The following DST variants were observed in gnomAD, a reference collection of about 807,000 sequenced individuals.
DST encodes the protein bullous pemphigoid antigen.
A neutral mutation model predicts 875.2 loss-of-function variants in DST; 253 were observed. The ratio of observed to expected loss-of-function variants is 0.29; its 90% CI spans 0.26 to 0.32. The LOEUF is 0.32. Among genes scored for constraint, DST ranks in the 10% least tolerant of loss-of-function variants. DST has a pLI of 1.00. For missense variants in DST, 8,287 were observed against 9,111.6 expected, an observed-to-expected ratio of 0.91 and a Z score of 3.68; for synonymous variants, 3,124 against 3,197.1, an observed-to-expected ratio of 0.98 and a Z score of 0.77.
At chr6:56,482,604 A>T in intron 89 of DST, 79 bp downstream of exon 89, 1 of 1,468,298 alleles carries the variant, frequency 6.8e-7, no homozygotes, top group South Asian at 1.3e-5. Flanking sequence ...AGGGCCTCAC[A>T]ATTTTTTACT....
intron 3 of DST, among the ~76,000 whole-genome samples, chr6:56,891,215 C>T (rs377402926): frequency 6.6e-6 from 1 of 152,166 alleles, no homozygotes; most frequent in Admixed American, 6.5e-5. Context: ...ACTACCAACT[C>T]TGACAACGTC....
At chr6:56,768,390 C>A (rs905502504) in intron 4 of DST, among the ~76,000 whole-genome samples, 1 of 152,122 alleles carries the variant, frequency 6.6e-6, no homozygotes, top group Admixed American at 6.5e-5. Flanking sequence ...TAGACCCACA[C>A]AAATTTAGTA....
At chr6:56,954,217 A>T (rs1824018564) in intron 1 of DST, among the ~76,000 whole-genome samples, 190 bp downstream of exon 1, 1 of 152,088 alleles carries the variant, frequency 6.6e-6, no homozygotes, top group Non-Finnish European at 1.5e-5. Flanking sequence ...GGTTATTCAA[A>T]CCTGGGAGAC....
chr6:56,552,579 G>A lies in DST; in HGVS notation c.16213C>T (p.Leu5405=). The A allele has an allele frequency of 1.2e-6, 2 of 1,613,982 alleles. No individual in the cohort carries two copies. The highest frequency in any genetic ancestry group is 8.5e-7 in the Non-Finnish European group (1 of 1,179,884). The change falls in exon 61 of 104, where the codon CTG becomes TTG. Residue 5405 remains leucine, a synonymous_variant. Transcript: ENST00000680361. ...FSQFAEFDDE[L]DSMAPVGRDA... ...CTCCCCACTGGAGCCATGCTATCCA[G>A]TTCATCATCAAACTCTGCGAACTGA...
chr6:56,675,414 G>A (rs545734141), intron 9 of DST, among the ~76,000 whole-genome samples: 6 of 152,156 alleles, frequency 3.9e-5, no homozygotes, highest in African/African-American at 1.2e-4. Context: ...TGAGATTACA[G>A]CAAATGAAAA....
intron 31 of DST, among the ~76,000 whole-genome samples, chr6:56,629,752 C>T (rs546415541): frequency 4.7e-4 from 72 of 152,144 alleles, no homozygotes; most frequent in African/African-American, 1.5e-3. Flanking sequence ...TCATTGTCTG[C>T]TTTTAAGTGC....
At chr6:56,654,705 G>A (rs1276247337) in intron 10 of DST, among the ~76,000 whole-genome samples, 1 of 151,494 alleles carries the variant, frequency 6.6e-6, no homozygotes, top group Non-Finnish European at 1.5e-5. Context: ...ACATTAACAG[G>A]TAGCCAAAGC....
chr6:56,819,631 A>T (rs997289041), intron 4 of DST, among the ~76,000 whole-genome samples: 1 of 152,214 alleles, frequency 6.6e-6, no homozygotes, highest in African/African-American at 2.4e-5. Flanking sequence ...GCAACATTAG[A>T]AAATAGCTTA....
intron 9 of DST, chr6:56,693,254 C>T: frequency 8.3e-7 from 1 of 1,198,170 alleles, no homozygotes; most frequent in Non-Finnish European, 1.1e-6. Context: ...GACATCTGTT[C>T]CACACAGACT....
intron 2 of DST, among the ~76,000 whole-genome samples, chr6:56,932,438 A>C (rs550331697): frequency 3.9e-5 from 6 of 152,292 alleles, no homozygotes; most frequent in African/African-American, 1.4e-4. Flanking sequence ...ATTTAAGGGA[A>C]GAGCAATTCC....
rs770208009 is a variant in DST at position 56,473,895 on chromosome 6, G to A, written c.21972C>T (p.Val7324=). 4.4e-6 allele frequency: 7 copies of A among 1,599,446 alleles called. No individual in the cohort carries two copies. Among genetic ancestry groups the A allele is most frequent in the East Asian group, 2.2e-5 (1 of 44,710 alleles). The change falls in exon 93 of 104, where the codon GTC becomes GTT. Residue 7324 remains valine (V), a synonymous_variant. Coordinates refer to ENST00000680361, the MANE Select transcript of DST (RefSeq NM_001374736.1). ...DPSSLQSHIP[V]LDKGRAGRKR... ...TACTTCCTGCTCGTCCCTTATCCAAGACTGGAATATGGGATTGTAATGAGG... is the reference window on the plus strand; with the variant it reads ...TACTTCCTGCTCGTCCCTTATCCAAAACTGGAATATGGGATTGTAATGAGG...
chr6:56,703,585 A>G lies in DST; in HGVS notation c.876+63T>C, dbSNP rs936732349. ...GCCTGAACCCAGGAGTTACTTCTCT[A>G]TCAGGTTAGCGCTCACCGCATGGGA... On this transcript the variant is annotated intron_variant, in intron 7 of 103. Transcript: ENST00000680361. The G allele has an allele frequency of 1.1e-5, 7 of 619,938 alleles. No individual in the cohort carries two copies. In the African/African-American group the frequency reaches 1.4e-4, roughly 12 times the overall value. 38.4% of individuals were successfully genotyped at this position (619,938 alleles called of 1,614,324 possible). A position where few individuals can be genotyped will look rare whatever the true frequency, so the allele number is the denominator to read the frequency against.
At chr6:56,630,210 C>T (rs1187003982) in intron 31 of DST, 35 bp downstream of exon 31, 12 of 1,436,440 alleles carry the variant, frequency 8.4e-6, no homozygotes, top group East Asian at 6.8e-5. Context: ...TTGTAGAATA[C>T]GATATTTAAA....
rs1383243392 is a variant in DST at position 56,938,108 on chromosome 6, C to CTCTCTCTATATATA, written c.216+15676_216+15677insTATATATAGAGAGA. Among the ~76,000 whole-genome samples the CTCTCTCTATATATA allele has an allele frequency of 1.1e-3, 136 of 120,724 alleles. 1 individual carries two copies. Among genetic ancestry groups the CTCTCTCTATATATA allele is most frequent in the African/African-American group, 4.4e-3 (127 of 28,590 alleles). The allele number at this position is 120,724 out of a possible 152,430, so 79.2% of individuals were successfully genotyped here. A position where few individuals can be genotyped will look rare whatever the true frequency, so the allele number is the denominator to read the frequency against. On this transcript the variant is annotated intron_variant, in intron 2 of 103. Coordinates refer to ENST00000680361, the MANE Select transcript of DST (RefSeq NM_001374736.1). ...TCTCTCTCTCTCTCTCTCTCTCTCT[C>CTCTCTCTATATATA]TATATATATATATATATATATATGT...
intron 4 of DST, among the ~76,000 whole-genome samples, chr6:56,778,279 T>A (rs1033752361): frequency 6.6e-6 from 1 of 150,800 alleles, no homozygotes; most frequent in South Asian, 2.1e-4. Flanking sequence ...GGTACAGAAC[T>A]GAGGCAGAAA....
In DST at chr6:56,601,580, G is replaced by A; in HGVS notation, c.11404C>T (p.Pro3802Ser). 1 of 1,602,632 alleles carries A rather than the reference G, an allele frequency of 6.2e-7. No homozygotes were observed. Among genetic ancestry groups the A allele is most frequent in the Non-Finnish European group, 8.5e-7 (1 of 1,174,456 alleles). The stretch of plus-strand genomic sequence containing the variant: ...CTCAGCAGTTGTTTGCTTTGGTTGG[G>A]AGACAGATCCTGTGCATATTCAGAA... ...FISEYAQDLS[P>S]NQSKQLLRLL... Residue 3802 changes from proline to serine, a missense_variant, in exon 44 of 104, where the codon CCC becomes TCC. Pro to Ser is a moderately conservative substitution (Grantham distance 74). This residue lies in a region of DST where 3,138 missense variants were observed against 3,116.6 expected (regional missense o/e 1.01). Transcript: ENST00000680361.
intron 36 of DST, chr6:56,618,770 C>G (rs138995714): frequency 6.2e-7 from 1 of 1,614,100 alleles, no homozygotes; most frequent in Admixed American, 1.7e-5. Flanking sequence ...CATCTTCTTC[C>G]GAAACTCCTC....
At chr6:56,657,593 G>A (rs2099016030) in intron 10 of DST, among the ~76,000 whole-genome samples, 1 of 152,094 alleles carries the variant, frequency 6.6e-6, no homozygotes, top group Non-Finnish European at 1.5e-5. Flanking sequence ...GAGAAATGGG[G>A]AATTAGAGTT....
At chr6:56,835,318 A>T (rs1192497597) in intron 4 of DST, among the ~76,000 whole-genome samples, 1 of 152,198 alleles carries the variant, frequency 6.6e-6, no homozygotes, top group African/African-American at 2.4e-5. Context: ...CAACAAAGGA[A>T]ACCCTAATGT....
Sources: allele counts gnomAD v4.1 joint callset (sites outside exome capture counted in the v4.1 genomes callset), GRCh38; gene constraint gnomAD v4.1.1; regional missense constraint gnomAD v4.1.1; transcripts MANE v1.5; gene names NCBI Gene and HGNC (gene_info 2026-07-23, HGNC 2026-07-21).